Variants in NPHP1 observed in about 807,000 individuals in gnomAD.
The protein encoded by NPHP1 is nephrocystin-1.
NPHP1 carries 70 observed loss-of-function variants against 90.4 expected under a neutral mutation model. That is an observed-to-expected ratio of 0.77 (90% CI 0.64 to 0.95). The LOEUF is 0.95. Among genes scored for constraint, NPHP1 ranks in the 40% least tolerant of loss-of-function variants. The pLI, the probability that NPHP1 is intolerant of heterozygous loss-of-function variation, is 0.00. For missense variants in NPHP1, 764 were observed against 795.9 expected, an observed-to-expected ratio of 0.96 and a Z score of 0.48; for synonymous variants, 256 against 271.7, an observed-to-expected ratio of 0.94 and a Z score of 0.57.
chr2:110,129,155 G>A, intron 18 of NPHP1, 31 bp downstream of exon 18: 1 of 1,551,354 alleles, frequency 6.4e-7, no homozygotes, highest in Non-Finnish European at 8.9e-7. Context: ...CCATAAGCCA[G>A]CAGGTTTCCA....
chr2:110,195,622 A>C (rs1685109675), intron 2 of NPHP1, among the ~76,000 whole-genome samples: 1 of 152,182 alleles, frequency 6.6e-6, no homozygotes, highest in Non-Finnish European at 1.5e-5. Flanking sequence ...TCAAGCTACC[A>C]ATGACTTTCT....
intron 11 of NPHP1, among the ~76,000 whole-genome samples, chr2:110,159,468 T>G (rs1252025984): frequency 1.3e-5 from 2 of 151,980 alleles, no homozygotes; most frequent in African/African-American, 4.8e-5. Context: ...TTACCAGAGG[T>G]TATTCACATT....
In NPHP1 at chr2:110,196,837, A is replaced by T. The variant is rs569531376; in HGVS notation, c.143+4584T>A. 6.6e-4 allele frequency among the ~76,000 whole-genome samples: 100 copies of T among 152,312 alleles called. 1 individual carries two copies. Among genetic ancestry groups the T allele is most frequent in the African/African-American group, 2.3e-3 (97 of 41,574 alleles). On this transcript the variant is annotated intron_variant, in intron 2 of 19. Transcript: ENST00000445609. ...TACTATGCAGCCATAAAAAATGATGAGTTCATGTCCTTTGAAGGGACATGG... is the reference window on the plus strand; with the variant it reads ...TACTATGCAGCCATAAAAAATGATGTGTTCATGTCCTTTGAAGGGACATGG...
chr2:110,168,655 C>G (rs1415873349), intron 5 of NPHP1, 102 bp from the exon 6 acceptor site: 1 of 802,852 alleles, frequency 1.2e-6, no homozygotes, highest in African/African-American at 1.7e-5. Flanking sequence ...AAGGCAAAAT[C>G]TTTTTTTAAT....
chr2:110,164,568 A>G (rs895452182), intron 8 of NPHP1, 120 bp downstream of exon 8: 2 of 1,602,274 alleles, frequency 1.2e-6, no homozygotes, highest in African/African-American at 2.7e-5. Context: ...TGCTCTGTAC[A>G]TTCCATGCCC....
rs1017297981 is a variant in NPHP1 at position 110,124,039 on chromosome 2, T to G, written c.1786A>C (p.Thr596Pro). The G allele has an allele frequency of 6.2e-7, 1 of 1,614,144 alleles. No homozygotes were observed. Among genetic ancestry groups the G allele is most frequent in the South Asian group, 1.1e-5 (1 of 91,074 alleles). The change falls in exon 20 of 20, where the codon ACG becomes CCG. Residue 596 changes from threonine to proline, a missense_variant. By Grantham distance (38) the Thr-to-Pro change is conservative. Coordinates refer to ENST00000445609, the MANE Select transcript of NPHP1 (RefSeq NM_001128178.3). ...CAGTCATGGTAAACCAGGAGAAACG[T>G]GGACTTCAGGAACTCTTTGTCTCTC... Reference protein sequence around the residue: ...EKRDKEFLKSTFLLVYHDCVL... With the variant: ...EKRDKEFLKSPFLLVYHDCVL...
At chr2:110,197,577 G>T (rs1216320725) in intron 2 of NPHP1, among the ~76,000 whole-genome samples, 1 of 152,182 alleles carries the variant, frequency 6.6e-6, no homozygotes, top group South Asian at 2.1e-4. Flanking sequence ...CCCTTACCAG[G>T]CATGAAAAGA....
rs1282917791 is a variant in NPHP1 at position 110,125,315 on chromosome 2, C to T, written c.1761+322G>A. The T allele has an allele frequency of 2.0e-6, 3 of 1,529,744 alleles. No individual in the cohort carries two copies. In the African/African-American group the frequency reaches 4.1e-5, roughly 21 times the overall value. The allele number at this position is 1,529,744 out of a possible 1,614,324, so 94.8% of individuals were successfully genotyped here. On this transcript the variant is annotated intron_variant, in intron 19 of 19. Transcript: ENST00000445609. ...TTTTCCCTTCTCTTGGTGATACAGGCTTTGAGAGCTAGAGAAGTTTTTTAA... is the reference window on the plus strand; with the variant it reads ...TTTTCCCTTCTCTTGGTGATACAGGTTTTGAGAGCTAGAGAAGTTTTTTAA...
At chr2:110,197,687 C>A (rs1685266913) in intron 2 of NPHP1, among the ~76,000 whole-genome samples, 1 of 152,030 alleles carries the variant, frequency 6.6e-6, no homozygotes, top group African/African-American at 2.4e-5. Context: ...GGAATGACAT[C>A]AAAGGCTGGT....
chr2:110,129,191 G>C lies in NPHP1; in HGVS notation c.1711C>G (p.Leu571Val), dbSNP rs1214442263. Reference protein sequence around the residue: ...LLEQPDVMDALRSSWAGKEST... With the variant: ...LLEQPDVMDAVRSSWAGKEST... ...TTGCAATGCATGCTACCCACCCTGA[G>C]AGCATCCATCACATCAGGCTGCTCC... The change falls in exon 18 of 20, where the codon CTC becomes GTC. Residue 571 changes from leucine to valine, a missense_variant. Coordinates refer to ENST00000445609, the MANE Select transcript of NPHP1 (RefSeq NM_001128178.3). The C allele has an allele frequency of 2.5e-6, 4 of 1,611,436 alleles. No homozygotes were observed. Among genetic ancestry groups the C allele is most frequent in the African/African-American group, 1.3e-5 (1 of 74,884 alleles).
At position 110,189,312 on chromosome 2, in the gene NPHP1, G is replaced by A. The variant is rs1253117696; in HGVS notation, c.144-9628C>T. 2.6e-5 allele frequency among the ~76,000 whole-genome samples: 4 copies of A among 152,204 alleles called. No individual in the cohort carries two copies. In the East Asian group the frequency reaches 7.7e-4, roughly 29 times the overall value. On this transcript the variant is annotated intron_variant, in intron 2 of 19. Coordinates refer to ENST00000445609, the MANE Select transcript of NPHP1 (RefSeq NM_001128178.3). Reference sequence around the variant, plus strand: ...GTGTCCAGAGTTTGTTCCTTCTGACGTTCGGATGTGTTTGGAGTTTCTTCC... The same window carrying A: ...GTGTCCAGAGTTTGTTCCTTCTGACATTCGGATGTGTTTGGAGTTTCTTCC...
At chr2:110,189,725 G>T (rs1684561939) in intron 2 of NPHP1, among the ~76,000 whole-genome samples, 1 of 152,070 alleles carries the variant, frequency 6.6e-6, no homozygotes, top group Non-Finnish European at 1.5e-5. Flanking sequence ...TTGCTGACTG[G>T]TGCGTTTACA....
chr2:110,202,475 G>C, intron 1 of NPHP1: 1 of 454,890 alleles, frequency 2.2e-6, no homozygotes, highest in Non-Finnish European at 4.4e-6. Flanking sequence ...AGCTTCAGGT[G>C]TCCTCTGTGA....
rs767903825 is a variant in NPHP1 at position 110,144,548 on chromosome 2, A to G, written c.1374T>C (p.Asn458=). ...IPAKTYELFL[N]GGTPYEKGIE... ...TACCTTTTTCATAAGGAGTACCACCATTCAAGAAAAGCTCATAAGTTCTAT... is the reference window on the plus strand; with the variant it reads ...TACCTTTTTCATAAGGAGTACCACCGTTCAAGAAAAGCTCATAAGTTCTAT... Residue 458 remains asparagine (N), a synonymous_variant, in exon 15 of 20, where the codon AAT becomes AAC. Transcript: ENST00000445609. The G allele has an allele frequency of 1.9e-6, 3 of 1,602,568 alleles. No individual in the cohort carries two copies. The highest frequency in any genetic ancestry group is 2.2e-5 in the South Asian group (2 of 90,860).
chr2:110,182,742 G>T (rs11899289), intron 2 of NPHP1, among the ~76,000 whole-genome samples: 31 of 152,068 alleles, frequency 2.0e-4, no homozygotes, highest in African/African-American at 7.5e-4. Flanking sequence ...AAACAAATCT[G>T]CAAAATAACC....
chr2:110,145,997 A>G lies in NPHP1; in HGVS notation c.1352+756T>C, dbSNP rs1212870751. Among the ~76,000 whole-genome samples, 5 of 152,316 alleles carry G rather than the reference A, an allele frequency of 3.3e-5. No individual in the cohort carries two copies. In the East Asian group the frequency reaches 9.6e-4, roughly 29 times the overall value. On this transcript the variant is annotated intron_variant, in intron 14 of 19. Transcript: ENST00000445609. ...AAGCCTTTGGAGTAGGAATTATTAC[A>G]ATCTTCCAGATTAAAGATAGGTGAA...
intron 10 of NPHP1, among the ~76,000 whole-genome samples, chr2:110,161,079 T>G (rs1276515971): frequency 1.3e-5 from 2 of 151,490 alleles, no homozygotes; most frequent in African/African-American, 4.9e-5. Context: ...AGTGGGAGGG[T>G]CGCTTGAGCC....
intron 16 of NPHP1, among the ~76,000 whole-genome samples, chr2:110,136,494 C>A (rs555753154): frequency 2.0e-5 from 3 of 152,172 alleles, no homozygotes; most frequent in South Asian, 4.1e-4. Context: ...ACAAAATCCA[C>A]GTGCAAAAAT....
chr2:110,176,488 C>T (rs1683517090), intron 4 of NPHP1, among the ~76,000 whole-genome samples: 1 of 152,046 alleles, frequency 6.6e-6, no homozygotes, highest in Admixed American at 6.6e-5. Flanking sequence ...TTTTCCCCTG[C>T]TTTTTTGCAT....
Sources: gnomAD v4.1 joint callset for allele counts (sites outside exome capture counted in the v4.1 genomes callset) on GRCh38, gnomAD v4.1.1 for gene constraint, MANE v1.5 for transcripts, NCBI Gene and HGNC (gene_info 2026-07-23, HGNC 2026-07-21) for gene names.